The following MARCHF6 variants were observed in gnomAD, a reference collection of about 807,000 sequenced individuals.
MARCHF6 encodes the protein E3 ubiquitin-protein ligase MARCHF6.
Under a neutral mutation model 133.7 loss-of-function variants are expected in MARCHF6, and 31 were observed. The ratio of observed to expected loss-of-function variants is 0.23; its 90% confidence interval spans 0.17 to 0.31. MARCHF6 has a LOEUF of 0.31. Ranked by LOEUF, MARCHF6 falls within the 10% of genes least tolerant of loss-of-function variation. The probability of loss-of-function intolerance (pLI) is 1.00; values close to 1 mark genes in which losing one functional copy is unlikely to be tolerated. For synonymous variants in MARCHF6, 395 were observed against 402.5 expected, an observed-to-expected ratio of 0.98 and a Z score of 0.22; for missense variants, 723 against 1,121.6, an observed-to-expected ratio of 0.64 and a Z score of 5.08.
At position 10,404,874 on chromosome 5, in the gene MARCHF6, T is replaced by C. The variant is rs77313972; in HGVS notation, c.1333-684T>C. Among the ~76,000 whole-genome samples, 325 of 152,378 alleles carry C rather than the reference T, an allele frequency of 2.1e-3. 1 individual carries two copies. Among genetic ancestry groups the C allele is most frequent in the Non-Finnish European group, 2.5e-3 (167 of 68,040 alleles). The stretch of plus-strand genomic sequence containing the variant: ...ACTAAAGCAAGTACAGAAATGTGTT[T>C]CTTAAAAATGTAATTATATGTGAAC... On this transcript the variant is annotated intron_variant, in intron 15 of 25. Transcript: ENST00000274140.
intron 23 of MARCHF6, among the ~76,000 whole-genome samples, chr5:10,424,903 G>A (rs987318211): frequency 1.3e-5 from 2 of 152,176 alleles, no homozygotes; most frequent in African/African-American, 4.8e-5. Context: ...TTAGCACTCC[G>A]ATAATAAGAC....
rs1740560477 is a variant in MARCHF6, at chr5:10,435,438, T to C, written c.*1754T>C. The C allele has an allele frequency of 2.0e-5, 3 of 150,670 alleles. No individual in the cohort carries two copies. Among genetic ancestry groups the C allele is most frequent in the Admixed American group, 1.3e-4 (2 of 15,110 alleles). The allele number at this position is 150,670 out of a possible 1,614,324, so 9.3% of individuals were successfully genotyped here. Reference sequence around the variant, plus strand: ...CTTGACATAGGATTCAGTGTTATACTCTTTGGCACTTTAGAGCAGCCTTTT... The same window carrying C: ...CTTGACATAGGATTCAGTGTTATACCCTTTGGCACTTTAGAGCAGCCTTTT... On this transcript the variant is annotated 3_prime_UTR_variant, in exon 26 of 26. Transcript: ENST00000274140.
intron 5 of MARCHF6, among the ~76,000 whole-genome samples, chr5:10,387,771 C>T (rs948898915): frequency 1.3e-5 from 2 of 152,022 alleles, no homozygotes; most frequent in South Asian, 2.1e-4. Context: ...TCTGGGTCTC[C>T]TACTTCAGCC....
chr5:10,403,045 T>G (rs543654893), intron 14 of MARCHF6, among the ~76,000 whole-genome samples: 52 of 152,316 alleles, frequency 3.4e-4, no homozygotes, highest in Middle Eastern at 3.4e-3. Flanking sequence ...CAAAAATATT[T>G]TATGTGTAGA....
chr5:10,409,784 G>C (rs993502143), intron 17 of MARCHF6, among the ~76,000 whole-genome samples: 6 of 152,138 alleles, frequency 3.9e-5, no homozygotes, highest in Non-Finnish European at 8.8e-5. Context: ...AGCAGTGGAG[G>C]CCTTGAGAAA....
chr5:10,406,868 C>T (rs1463119695), intron 16 of MARCHF6, among the ~76,000 whole-genome samples: 3 of 152,098 alleles, frequency 2.0e-5, no homozygotes, highest in Non-Finnish European at 2.9e-5. Context: ...TTGTGGCTTC[C>T]GTTTTAGCAT....
Position 10,394,104 on chromosome 5 carries a change from A to C in MARCHF6, c.789A>C (p.Leu263Phe). ...GAQDDMNWNA[L>F]EWDRAAEELT... is the part of the protein sequence containing the mutation. Reference sequence around the variant, plus strand: ...CAGATGACATGAATTGGAATGCTTTAGAATGGGACCGAGCTGCTGAAGAGC... The same window carrying C: ...CAGATGACATGAATTGGAATGCTTTCGAATGGGACCGAGCTGCTGAAGAGC... The change falls in exon 8 of 26, where the codon TTA (leucine) becomes TTC (phenylalanine). Residue 263 changes from leucine to phenylalanine, a missense_variant. Coordinates refer to ENST00000274140, the MANE Select transcript of MARCHF6 (RefSeq NM_005885.4). The C allele has an allele frequency of 6.4e-7, 1 of 1,566,318 alleles. No individual in the cohort carries two copies. The highest frequency in any genetic ancestry group is 8.7e-7 in the Non-Finnish European group (1 of 1,154,786).
At chr5:10,395,735 A>G (rs527384783) in intron 9 of MARCHF6, among the ~76,000 whole-genome samples, 9 of 152,156 alleles carry the variant, frequency 5.9e-5, no homozygotes, top group Non-Finnish European at 5.9e-5. Context: ...AGGCCCAACA[A>G]TGTCATCAGA....
At chr5:10,417,212 A>G (rs529926745) in intron 21 of MARCHF6, 58 bp from the exon 22 acceptor site, 156 of 1,576,078 alleles carry the variant, frequency 9.9e-5, no homozygotes, top group Non-Finnish European at 1.3e-4. Flanking sequence ...TCAAAATGGA[A>G]ATAGAGTTTG....
intron 7 of MARCHF6, among the ~76,000 whole-genome samples, chr5:10,392,057 C>T (rs551212971): frequency 1.3e-5 from 2 of 150,914 alleles, no homozygotes; most frequent in African/African-American, 2.4e-5. Flanking sequence ...CTCCTGGGTT[C>T]ACGCCATTCT....
In MARCHF6 at chr5:10,353,888, C is replaced by T; in HGVS notation, c.-11C>T. On this transcript the variant is annotated 5_prime_UTR_variant, in exon 1 of 26. Coordinates refer to ENST00000274140, the MANE Select transcript of MARCHF6 (RefSeq NM_005885.4). ...CCTCGTGGCTGCGTCACCGCCGCCC[C>T]CCCAGACAAGATGGACACCGCGGAG... 1 of 1,565,078 alleles carries T rather than the reference C, an allele frequency of 6.4e-7. No homozygotes were observed. The highest frequency in any genetic ancestry group is 8.6e-7 in the Non-Finnish European group (1 of 1,159,798).
intron 1 of MARCHF6, among the ~76,000 whole-genome samples, chr5:10,363,364 CACTT>C (rs1033561674): frequency 6.6e-5 from 10 of 152,248 alleles, no homozygotes; most frequent in African/African-American, 2.2e-4. Context: ...TTTGTATAGA[CACTT>C]CACTAAAAAA....
intron 21 of MARCHF6, among the ~76,000 whole-genome samples, chr5:10,417,014 G>A (rs142406355): frequency 1.4e-3 from 207 of 152,286 alleles, no homozygotes; most frequent in African/African-American, 4.5e-3. Flanking sequence ...TTGGCCAGTC[G>A]GTAGCTTTTC....
At chr5:10,407,959 C>A (rs1302860212) in intron 17 of MARCHF6, among the ~76,000 whole-genome samples, 1 of 141,092 alleles carries the variant, frequency 7.1e-6, no homozygotes, top group South Asian at 2.5e-4. Context: ...TGCATCCCCC[C>A]CCCCCCAAAA....
At chr5:10,367,440 T>C (rs1736202286) in intron 1 of MARCHF6, among the ~76,000 whole-genome samples, 1 of 152,194 alleles carries the variant, frequency 6.6e-6, no homozygotes. Context: ...ATCTAAAGTC[T>C]GTTAGTAATA....
chr5:10,392,314 G>A (rs574449684), intron 7 of MARCHF6, among the ~76,000 whole-genome samples: 3 of 152,232 alleles, frequency 2.0e-5, no homozygotes, highest in Non-Finnish European at 2.9e-5. Context: ...GTTGGATTAG[G>A]TACTACTTTT....
chr5:10,370,860 A>T (rs186921248), intron 1 of MARCHF6, among the ~76,000 whole-genome samples: 5 of 152,308 alleles, frequency 3.3e-5, no homozygotes, highest in Admixed American at 2.0e-4. Flanking sequence ...TATTTCAGTA[A>T]TGTATGTTTT....
chr5:10,386,830 A>G (rs557602177), intron 4 of MARCHF6, 164 bp from the exon 5 acceptor site: 78 of 551,360 alleles, frequency 1.4e-4, no homozygotes, highest in South Asian at 1.3e-3. Context: ...TTTGTGCTTG[A>G]CTGTGTTTTT....
intron 23 of MARCHF6, among the ~76,000 whole-genome samples, chr5:10,424,341 A>C (rs1739972473): frequency 6.6e-6 from 1 of 152,172 alleles, no homozygotes. Context: ...AAAGGCCCAA[A>C]GCTCTCTTCA....
Sources: gnomAD v4.1 joint callset for allele counts (sites outside exome capture counted in the v4.1 genomes callset) on GRCh38, gnomAD v4.1.1 for gene constraint, MANE v1.5 for transcripts, NCBI Gene and HGNC (gene_info 2026-07-23, HGNC 2026-07-21) for gene names.